CIT: variants seen among roughly 807,000 people sequenced by gnomAD.
CIT encodes the protein citron Rho-interacting kinase.
In CIT, 79 loss-of-function variants were observed where a neutral mutation model predicts 272.7. The observed-to-expected ratio is 0.29, with a 90% CI of 0.24 to 0.35. The LOEUF is 0.35. Ranked by LOEUF, CIT falls within the 10% of genes least tolerant of loss-of-function variation. The pLI is 1.00. For synonymous variants in CIT, 948 were observed against 995.6 expected, an observed-to-expected ratio of 0.95 and a Z score of 0.90; for missense variants, 1,909 against 2,618.3, an observed-to-expected ratio of 0.73 and a Z score of 5.91.
intron 32 of CIT, among the ~76,000 whole-genome samples, chr12:119,717,726 T>C (rs1314926427): frequency 6.6e-6 from 1 of 151,930 alleles, no homozygotes; most frequent in Non-Finnish European, 1.5e-5. Flanking sequence ...CAGCCTATTT[T>C]CTCATATTCT....
intron 10 of CIT, among the ~76,000 whole-genome samples, chr12:119,799,543 A>G (rs1966011794): frequency 6.6e-6 from 1 of 152,144 alleles, no homozygotes; most frequent in East Asian, 1.9e-4. Flanking sequence ...ACCACCCGAA[A>G]AGAAAGGAAA....
intron 12 of CIT, chr12:119,783,584 CA>C (rs1566037869): frequency 5.2e-6 from 1 of 191,108 alleles, no homozygotes; most frequent in African/African-American, 2.3e-5. Flanking sequence ...ATGTCAGACA[CA>C]ACGCAGACCA....
chr12:119,748,749 T>G (rs1233234346), intron 23 of CIT, among the ~76,000 whole-genome samples: 2 of 152,236 alleles, frequency 1.3e-5, no homozygotes, highest in Non-Finnish European at 2.9e-5. Context: ...CAACTCTTGA[T>G]TATTCAACAT....
At chr12:119,693,934 C>T (rs1956088396) in intron 46 of CIT, among the ~76,000 whole-genome samples, 1 of 152,170 alleles carries the variant, frequency 6.6e-6, no homozygotes, top group South Asian at 2.1e-4. Context: ...GACATTATGT[C>T]GGGCACATGG....
At chr12:119,869,240 A>T in intron 2 of CIT, 39 bp from the exon 3 acceptor site, 1 of 1,569,774 alleles carries the variant, frequency 6.4e-7, no homozygotes, top group Non-Finnish European at 8.6e-7. Context: ...ACTGTCAATA[A>T]TGAAAAGCTT....
intron 28 of CIT, among the ~76,000 whole-genome samples, chr12:119,727,157 TG>T (rs2137189777): frequency 6.6e-6 from 1 of 152,350 alleles, no homozygotes; most frequent in East Asian, 1.9e-4. Flanking sequence ...ACTTACTATG[TG>T]CTTGACACTC....
intron 5 of CIT, among the ~76,000 whole-genome samples, chr12:119,843,979 T>C (rs929360672): frequency 6.6e-6 from 1 of 151,950 alleles, no homozygotes; most frequent in Non-Finnish European, 1.5e-5. Context: ...GTTTCCAGAT[T>C]CAGAATTTTT....
At chr12:119,826,688 T>C (rs1968190461) in intron 7 of CIT, among the ~76,000 whole-genome samples, 1 of 152,224 alleles carries the variant, frequency 6.6e-6, no homozygotes, top group Admixed American at 6.5e-5. Context: ...CCTATAACTC[T>C]ATATCATAAT....
At chr12:119,766,546 C>T (rs537655437) in intron 19 of CIT, among the ~76,000 whole-genome samples, 2 of 152,052 alleles carry the variant, frequency 1.3e-5, no homozygotes, top group East Asian at 3.9e-4. Flanking sequence ...ATAGAATGAA[C>T]AAGACCTAGT....
At chr12:119,721,226 C>T (rs930087332) in intron 29 of CIT, 83 bp downstream of exon 29, 57 of 1,323,484 alleles carry the variant, frequency 4.3e-5, no homozygotes, top group Admixed American at 1.3e-4. Flanking sequence ...CTCAGCCTCC[C>T]GAAGTGCTGG....
In CIT at chr12:119,859,659, A is replaced by G. The variant is rs7964402; in HGVS notation, c.239-1961T>C. 6.6e-3 allele frequency among the ~76,000 whole-genome samples: 1,009 copies of G among 152,158 alleles called. 7 individuals carry two copies. Among genetic ancestry groups the G allele is most frequent in the African/African-American group, 0.023 (967 of 41,504 alleles). On this transcript the variant is annotated intron_variant, in intron 3 of 47. Coordinates refer to ENST00000392521, the MANE Select transcript of CIT (RefSeq NM_001206999.2). ...TGATGAAACCCCATCTCTACTAACA[A>G]TACAAAAATTAGCTGCACACAAGCG...
intron 5 of CIT, 67 bp from the exon 6 acceptor site, chr12:119,834,295 C>T (rs998242882): frequency 1.5e-6 from 2 of 1,370,726 alleles, no homozygotes; most frequent in Non-Finnish European, 1.0e-6. Flanking sequence ...CAATTAGATC[C>T]TCGAATATCA....
chr12:119,848,845 G>C (rs1044731099), intron 5 of CIT, among the ~76,000 whole-genome samples: 8 of 152,048 alleles, frequency 5.3e-5, no homozygotes, highest in African/African-American at 1.9e-4. Flanking sequence ...GGGCAACATG[G>C]CAAAACCCCG....
chr12:119,750,685 G>A (rs1332350830), intron 23 of CIT, among the ~76,000 whole-genome samples: 1 of 151,782 alleles, frequency 6.6e-6, no homozygotes, highest in African/African-American at 2.4e-5. Flanking sequence ...CAGATACTGG[G>A]ATCCCCAAAC....
chr12:119,851,555 G>T (rs1213252230), intron 4 of CIT, among the ~76,000 whole-genome samples: 1 of 152,170 alleles, frequency 6.6e-6, no homozygotes, highest in Non-Finnish European at 1.5e-5. Flanking sequence ...ATGAATCTTG[G>T]AGACATGTGA....
chr12:119,842,227 A>G (rs180984647), intron 5 of CIT, among the ~76,000 whole-genome samples: 201 of 152,034 alleles, frequency 1.3e-3, no homozygotes, highest in Non-Finnish European at 2.2e-3. Flanking sequence ...CGTCTCTACT[A>G]AAACAACAAA....
intron 10 of CIT, among the ~76,000 whole-genome samples, chr12:119,790,634 T>C (rs1474815046): frequency 6.6e-6 from 1 of 152,160 alleles, no homozygotes; most frequent in Non-Finnish European, 1.5e-5. Context: ...ATAAAAGCCC[T>C]GTGATCCCCA....
At chr12:119,803,441 G>T in intron 9 of CIT, 52 bp from the exon 10 acceptor site, 1 of 1,312,986 alleles carries the variant, frequency 7.6e-7, no homozygotes, top group Non-Finnish European at 1.0e-6. Flanking sequence ...AATTTCAGCC[G>T]GATTCAACAC....
At chr12:119,701,247 G>T (rs1284982337) in intron 43 of CIT, among the ~76,000 whole-genome samples, 2 of 110,252 alleles carry the variant, frequency 1.8e-5, no homozygotes, top group Non-Finnish European at 3.7e-5. Context: ...GAGGGGGAGG[G>T]GAGGACCCAA....
Sources: gnomAD v4.1 joint callset for allele counts (sites outside exome capture counted in the v4.1 genomes callset) on GRCh38, gnomAD v4.1.1 for gene constraint, MANE v1.5 for transcripts, NCBI Gene and HGNC (gene_info 2026-07-23, HGNC 2026-07-21) for gene names.